Variants in PRKAG2 observed in about 807,000 individuals in gnomAD.
The protein encoded by PRKAG2 is 5'-AMP-activated protein kinase subunit gamma-2.
A neutral mutation model predicts 69.6 loss-of-function variants in PRKAG2; 26 were observed. That is an observed-to-expected ratio of 0.37 (90% CI 0.27 to 0.52). The LOEUF (loss-of-function observed/expected upper bound fraction) is 0.52. PRKAG2 is among the 20% of genes least tolerant of loss of function. PRKAG2 has a pLI of 0.90. For synonymous variants in PRKAG2, 293 were observed against 285.0 expected, an observed-to-expected ratio of 1.03 and a Z score of -0.28; for missense variants, 557 against 740.0, an observed-to-expected ratio of 0.75 and a Z score of 2.87.
intron 15 of PRKAG2, 34 bp from the exon 16 acceptor site, chr7:151,557,266 T>C (rs1401908984): frequency 6.2e-7 from 1 of 1,613,774 alleles, no homozygotes; most frequent in Non-Finnish European, 8.5e-7. Flanking sequence ...GTTTCAAAGC[T>C]CATGGTAACA....
chr7:151,616,469 G>A lies in PRKAG2; in HGVS notation c.754+15600C>T, dbSNP rs576099208. On this transcript the variant is annotated intron_variant, in intron 5 of 15. Transcript: ENST00000287878. ...CTCCCACTCAGACGGACAGAGCAGC[G>A]TGTGGCAACTTGCATCATGAACCTG... Among the ~76,000 whole-genome samples the A allele has an allele frequency of 1.3e-4, 20 of 152,364 alleles. No individual in the cohort carries two copies. In the South Asian group the frequency reaches 1.9e-3, roughly 14 times the overall value.
rs1376919209 is a variant in PRKAG2, at chr7:151,664,587, C to T, written c.684+10833G>A. Among the ~76,000 whole-genome samples the T allele has an allele frequency of 3.9e-5, 6 of 152,158 alleles. No homozygotes were observed. In the South Asian group the frequency reaches 1.2e-3, roughly 32 times the overall value. On this transcript the variant is annotated intron_variant, in intron 4 of 15. Transcript: ENST00000287878. ...CTCTGCAACTGGCTTCTGTCCCTGG[C>T]TTTGAAATTGGTGACAGTTTTATCA...
intron 1 of PRKAG2, among the ~76,000 whole-genome samples, chr7:151,855,286 C>T (rs111219335): frequency 3.6e-4 from 44 of 123,646 alleles, no homozygotes; most frequent in Non-Finnish European, 5.5e-4. Flanking sequence ...ACACACACCA[C>T]CCTCCACACA....
chr7:151,717,798 C>T (rs1586021918), intron 3 of PRKAG2, among the ~76,000 whole-genome samples: 1 of 152,196 alleles, frequency 6.6e-6, no homozygotes, highest in Non-Finnish European at 1.5e-5. Context: ...TGGGGTTTTT[C>T]AGCCTATAAA....
intron 1 of PRKAG2, among the ~76,000 whole-genome samples, chr7:151,857,375 G>A (rs1217386304): frequency 7.1e-6 from 1 of 141,468 alleles, no homozygotes; most frequent in Non-Finnish European, 1.5e-5. Flanking sequence ...TGCCCAAGGT[G>A]GACCCATCAG....
Position 151,779,267 on chromosome 7 carries a change from C to T in PRKAG2, c.466+1885G>A, listed in dbSNP as rs370998662. 2.0e-4 allele frequency among the ~76,000 whole-genome samples: 30 copies of T among 152,344 alleles called. No homozygotes were observed. In the East Asian group the frequency reaches 4.0e-3, roughly 21 times the overall value. ...GGCTGAACAGTGGACAGCACCAAACCTCCCACCAAATGCTGTACTGAGCTG... is the reference window on the plus strand; with the variant it reads ...GGCTGAACAGTGGACAGCACCAAACTTCCCACCAAATGCTGTACTGAGCTG... On this transcript the variant is annotated intron_variant, in intron 3 of 15. Transcript: ENST00000287878.
intron 3 of PRKAG2, among the ~76,000 whole-genome samples, chr7:151,677,192 C>G (rs1462544721): frequency 6.7e-6 from 1 of 149,420 alleles, no homozygotes; most frequent in Non-Finnish European, 1.5e-5. Flanking sequence ...ATCTCTTTTT[C>G]TTTTTTTTTT....
rs988450820 is a variant in PRKAG2, at chr7:151,808,899, G to T, written c.115-22358C>A. 2.0e-5 allele frequency among the ~76,000 whole-genome samples: 3 copies of T among 152,150 alleles called. No individual in the cohort carries two copies. The East Asian group carries it at 5.8e-4, about 29-fold the overall frequency. On this transcript the variant is annotated intron_variant, in intron 1 of 15. Transcript: ENST00000287878. ...CTAAAGCCTTGGCTATCCTAACGCC[G>T]CAGTGGGGCACTTAAAGCTCCTCAC...
chr7:151,807,220 T>C lies in PRKAG2; in HGVS notation c.115-20679A>G, dbSNP rs1441696499. Among the ~76,000 whole-genome samples the C allele has an allele frequency of 6.6e-6, 1 of 152,178 alleles. No individual in the cohort carries two copies. Among genetic ancestry groups the C allele is most frequent in the Non-Finnish European group, 1.5e-5 (1 of 68,036 alleles). ...ATACTGTCAGTCAAAGGGCATTATATGTAAATCACACCTCAATAAAGCTGA... is the reference window on the plus strand; with the variant it reads ...ATACTGTCAGTCAAAGGGCATTATACGTAAATCACACCTCAATAAAGCTGA... On this transcript the variant is annotated intron_variant, in intron 1 of 15. Transcript: ENST00000287878. The surrounding 1 kb of genome is among the most constrained non-coding windows in gnomAD (Gnocchi z 4.4).
intron 3 of PRKAG2, among the ~76,000 whole-genome samples, chr7:151,681,957 G>C (rs1016441162): frequency 1.3e-5 from 2 of 152,228 alleles, no homozygotes; most frequent in Non-Finnish European, 2.9e-5. Context: ...GAAGGGCACA[G>C]AGACGGAGTG....
rs1044762283 is a variant in PRKAG2, at chr7:151,646,929, C to T, written c.685-14791G>A. Among the ~76,000 whole-genome samples, 3 of 152,228 alleles carry T rather than the reference C, an allele frequency of 2.0e-5. No individual in the cohort carries two copies. The South Asian group carries it at 6.2e-4, about 31-fold the overall frequency. ...TACTCATGGCTGCCTACTTGGCATC[C>T]ATTCCTCTTCCTCTACCTTCCTTCC... On this transcript the variant is annotated intron_variant, in intron 4 of 15. Coordinates refer to ENST00000287878, the MANE Select transcript of PRKAG2 (RefSeq NM_016203.4).
chr7:151,791,458 G>A (rs996747930), intron 1 of PRKAG2, among the ~76,000 whole-genome samples: 1 of 152,108 alleles, frequency 6.6e-6, no homozygotes, highest in African/African-American at 2.4e-5. Context: ...CCCGTCTGCC[G>A]GCCACTCAGG....
At position 151,591,669 on chromosome 7, in the gene PRKAG2, G is replaced by C. The variant is rs114229215; in HGVS notation, c.864+3676C>G. On this transcript the variant is annotated intron_variant, in intron 6 of 15. Transcript: ENST00000287878. ...ACACCGGTACTGAGTGACACTAAAAGCTGTTTTCAGAGAGGCCCAGGGCAC... is the reference window on the plus strand; with the variant it reads ...ACACCGGTACTGAGTGACACTAAAACCTGTTTTCAGAGAGGCCCAGGGCAC... Among the ~76,000 whole-genome samples, 1,373 of 152,228 alleles carry C rather than the reference G, an allele frequency of 9.0e-3. 19 individuals carry two copies. Among genetic ancestry groups the C allele is most frequent in the African/African-American group, 0.031 (1,285 of 41,514 alleles).
chr7:151,778,322 T>C (rs2076495392), intron 3 of PRKAG2, among the ~76,000 whole-genome samples: 1 of 152,168 alleles, frequency 6.6e-6, no homozygotes, highest in Non-Finnish European at 1.5e-5. Context: ...TCTCGGTGAA[T>C]TGGTTTTATC....
At chr7:151,635,005 A>G (rs1280422196) in intron 4 of PRKAG2, among the ~76,000 whole-genome samples, 1 of 145,898 alleles carries the variant, frequency 6.9e-6, no homozygotes. Context: ...GCTGGAGCGC[A>G]GTGGACCTAT....
At chr7:151,844,940 G>A (rs1038484437) in intron 1 of PRKAG2, among the ~76,000 whole-genome samples, 1 of 151,872 alleles carries the variant, frequency 6.6e-6, no homozygotes, top group Non-Finnish European at 1.5e-5. Flanking sequence ...CCCCAGCCCG[G>A]CAAACCTCCC....
chr7:151,602,420 A>G (rs1292102361), intron 5 of PRKAG2, among the ~76,000 whole-genome samples: 5 of 152,234 alleles, frequency 3.3e-5, no homozygotes, highest in Admixed American at 3.3e-4. Flanking sequence ...GTATTACTAT[A>G]TGAATATGTG....
intron 1 of PRKAG2, among the ~76,000 whole-genome samples, chr7:151,871,666 T>C (rs1344221465): frequency 6.6e-6 from 1 of 152,222 alleles, no homozygotes; most frequent in African/African-American, 2.4e-5. Flanking sequence ...CACCGTCCAC[T>C]ACCCACTGGC....
rs576038283 is a variant in PRKAG2 at position 151,593,435 on chromosome 7, C to T, written c.864+1910G>A. ...TCTTGAACTCCTAACCTCAAGTGAT[C>T]TGCCCGCCTTGGCCTCCCAAAGCGC... On this transcript the variant is annotated intron_variant, in intron 6 of 15. Transcript: ENST00000287878. Among the ~76,000 whole-genome samples, 75 of 152,320 alleles carry T rather than the reference C, an allele frequency of 4.9e-4. 1 individual carries two copies. The highest frequency in any genetic ancestry group is 3.4e-3 in the Middle Eastern group (1 of 294).
Sources: allele counts gnomAD v4.1 joint callset (sites outside exome capture counted in the v4.1 genomes callset), GRCh38; gene constraint gnomAD v4.1.1; non-coding constraint Gnocchi (gnomAD v3.1); transcripts MANE v1.5; gene names NCBI Gene and HGNC (gene_info 2026-07-23, HGNC 2026-07-21).